Variants in VWA3B observed in about 807,000 individuals in gnomAD.
VWA3B encodes von Willebrand factor A domain containing 3B.
In VWA3B, 138 loss-of-function variants were observed where a neutral mutation model predicts 158.3. The observed-to-expected ratio is 0.87, with a 90% CI of 0.76 to 1.00. VWA3B has a LOEUF of 1.00. VWA3B is among the 50% of genes least tolerant of loss of function. The pLI, the probability that VWA3B is intolerant of heterozygous loss-of-function variation, is 0.00. For synonymous variants in VWA3B, 596 were observed against 587.3 expected, an observed-to-expected ratio of 1.01 and a Z score of -0.21; for missense variants, 1,555 against 1,565.1, an observed-to-expected ratio of 0.99 and a Z score of 0.11.
At chr2:98,230,426 A>G (rs1685258258) in intron 16 of VWA3B, among the ~76,000 whole-genome samples, 1 of 152,224 alleles carries the variant, frequency 6.6e-6, no homozygotes, top group Admixed American at 6.5e-5. Context: ...TAATAGTCCA[A>G]TATTAAAACC....
Position 98,234,673 on chromosome 2 carries a change from A to G in VWA3B, c.2334A>G (p.Arg778=). ...AATCAACCAAAACCAGCCTGCTCAGAAGCCAGATGTCCTCCCTCAGGAGCT... is the reference window on the plus strand; with the variant it reads ...AATCAACCAAAACCAGCCTGCTCAGGAGCCAGATGTCCTCCCTCAGGAGCT... ...HAESTKTSLL[R]SQMSSLRSSA... The change falls in exon 17 of 28, where the codon AGA becomes AGG. Residue 778 remains arginine, a synonymous_variant. Coordinates refer to ENST00000477737, the MANE Select transcript of VWA3B (RefSeq NM_144992.5). The G allele has an allele frequency of 6.2e-7, 1 of 1,614,196 alleles. No individual in the cohort carries two copies. Among genetic ancestry groups the G allele is most frequent in the South Asian group, 1.1e-5 (1 of 91,084 alleles).
At chr2:98,099,709 C>T (rs1015011419) in intron 2 of VWA3B, among the ~76,000 whole-genome samples, 1 of 152,064 alleles carries the variant, frequency 6.6e-6, no homozygotes, top group African/African-American at 2.4e-5. Context: ...AACATTTGCT[C>T]TTTTGATGCT....
At chr2:98,129,224 A>AGAGAGAGTGT (rs1370543551) in intron 6 of VWA3B, among the ~76,000 whole-genome samples, 192 of 124,640 alleles carry the variant, frequency 1.5e-3, no homozygotes, top group African/African-American at 4.1e-3. Context: ...AGAGAGAGAG[A>AGAGAGAGTGT]GTGTGTGTGT....
chr2:98,093,896 T>A (rs1682533296), intron 2 of VWA3B, among the ~76,000 whole-genome samples: 1 of 152,206 alleles, frequency 6.6e-6, no homozygotes. Flanking sequence ...ATGTGGTGTT[T>A]GTCTTCCTGT....
downstream of VWA3B, among the ~76,000 whole-genome samples, chr2:98,317,901 T>C (rs1691123232): frequency 6.6e-6 from 1 of 152,136 alleles, no homozygotes; most frequent in Non-Finnish European, 1.5e-5. Flanking sequence ...AAAGTTCATA[T>C]GGAAAAAGAA....
intron 9 of VWA3B, among the ~76,000 whole-genome samples, chr2:98,183,565 A>T (rs988295922): frequency 1.3e-5 from 2 of 152,256 alleles, no homozygotes; most frequent in African/African-American, 2.4e-5. Context: ...TATTTCAGGC[A>T]TCCCTGAAAT....
intron 19 of VWA3B, 99 bp from the exon 20 acceptor site, chr2:98,250,219 G>C: frequency 1.2e-6 from 1 of 808,654 alleles, no homozygotes. Context: ...TGACTTTATA[G>C]TCAGAGAAAA....
chr2:98,265,791 C>T (rs1431138916), intron 21 of VWA3B, among the ~76,000 whole-genome samples: 112 of 143,062 alleles, frequency 7.8e-4, no homozygotes, highest in Non-Finnish European at 1.1e-3. Context: ...TCTCTGATGG[C>T]CAGTGATGAT....
intron 21 of VWA3B, among the ~76,000 whole-genome samples, chr2:98,270,041 G>C (rs549533384): frequency 4.0e-5 from 6 of 151,734 alleles, no homozygotes; most frequent in Admixed American, 6.5e-5. Context: ...AAGCAGCTCA[G>C]ACTGGAAACA....
chr2:98,124,415 C>T (rs1675201982), intron 5 of VWA3B, among the ~76,000 whole-genome samples: 1 of 152,052 alleles, frequency 6.6e-6, no homozygotes. Flanking sequence ...GGGACAGAGA[C>T]CCTGAAACCT....
At chr2:98,232,310 A>G (rs956678363) in intron 16 of VWA3B, among the ~76,000 whole-genome samples, 1 of 152,230 alleles carries the variant, frequency 6.6e-6, no homozygotes, top group African/African-American at 2.4e-5. Flanking sequence ...TAATGGCTGC[A>G]AGATCTTTAG....
At chr2:98,161,184 G>A (rs1678545523) in intron 7 of VWA3B, among the ~76,000 whole-genome samples, 2 of 152,216 alleles carry the variant, frequency 1.3e-5, no homozygotes, top group Admixed American at 6.5e-5. Flanking sequence ...GGTGTATTTG[G>A]TGACAGAACA....
intron 21 of VWA3B, among the ~76,000 whole-genome samples, chr2:98,262,816 CA>C (rs1459815324): frequency 1.3e-5 from 2 of 151,756 alleles, no homozygotes; most frequent in Admixed American, 1.3e-4. Flanking sequence ...TGTACTTATA[CA>C]AAAAATACCA....
chr2:98,288,961 C>T (rs1053383056), intron 22 of VWA3B, among the ~76,000 whole-genome samples: 4 of 152,086 alleles, frequency 2.6e-5, no homozygotes, highest in East Asian at 1.9e-4. Flanking sequence ...GTTCACAGTA[C>T]GTGTTTAAAA....
At chr2:98,296,937 G>A (rs1689837298) in intron 23 of VWA3B, among the ~76,000 whole-genome samples, 1 of 150,708 alleles carries the variant, frequency 6.6e-6, no homozygotes, top group South Asian at 2.1e-4. Flanking sequence ...ATGTTTGTGT[G>A]TATATATATT....
intron 3 of VWA3B, among the ~76,000 whole-genome samples, chr2:98,118,098 G>C (rs1007420648): frequency 5.3e-5 from 8 of 152,168 alleles, no homozygotes; most frequent in African/African-American, 1.7e-4. Flanking sequence ...GGAATCTTCA[G>C]TTTGATGTGC....
intron 22 of VWA3B, among the ~76,000 whole-genome samples, chr2:98,274,066 T>A (rs1186611019): frequency 6.6e-6 from 1 of 152,224 alleles, no homozygotes; most frequent in Non-Finnish European, 1.5e-5. Context: ...ATGGATAGGA[T>A]TCTGCACATG....
rs1303335325 is a variant in VWA3B at position 98,115,434 on chromosome 2, A to ACCT, written c.197-218_197-217insCCT. ...ATTGTGCACATGTACCTGAGAACTT[A>ACCT]AAGTATAATAAAGAAAAATATTACA... On this transcript the variant is annotated intron_variant, in intron 2 of 27. Coordinates refer to ENST00000477737, the MANE Select transcript of VWA3B (RefSeq NM_144992.5). Among the ~76,000 whole-genome samples, 10 of 152,326 alleles carry ACCT rather than the reference A, an allele frequency of 6.6e-5. No individual in the cohort carries two copies. In the East Asian group the frequency reaches 1.9e-3, roughly 29 times the overall value.
intron 12 of VWA3B, among the ~76,000 whole-genome samples, chr2:98,204,225 G>T (rs1336716468): frequency 6.6e-6 from 1 of 152,190 alleles, no homozygotes; most frequent in Non-Finnish European, 1.5e-5. Context: ...GTATTTGTTT[G>T]TTTGTTTTTT....
Sources: allele counts gnomAD v4.1 joint callset (sites outside exome capture counted in the v4.1 genomes callset), GRCh38; gene constraint gnomAD v4.1.1; transcripts MANE v1.5; gene names NCBI Gene and HGNC (gene_info 2026-07-23, HGNC 2026-07-21).